Variants in SIPA1L3 observed in about 807,000 individuals in gnomAD.
The protein encoded by SIPA1L3 is signal-induced proliferation-associated 1-like protein 3.
In SIPA1L3, 59 loss-of-function variants were observed where a neutral mutation model predicts 150.1. The observed-to-expected ratio is 0.39, with a 90% CI of 0.32 to 0.49. SIPA1L3 has a LOEUF of 0.49. Among genes scored for constraint, SIPA1L3 ranks in the 20% least tolerant of loss-of-function variants. The probability of loss-of-function intolerance (pLI) is 0.86; values close to 1 mark genes in which losing one functional copy is unlikely to be tolerated. For synonymous variants in SIPA1L3, 1,070 were observed against 1,077.6 expected (o/e 0.99, Z 0.14); for missense variants, 2,211 against 2,489.5 (o/e 0.89, Z 2.38).
intron 1 of SIPA1L3, among the ~76,000 whole-genome samples, chr19:38,015,721 TAAAAAA>T (rs59452393): frequency 2.9e-5 from 3 of 102,170 alleles, no homozygotes; most frequent in South Asian, 3.8e-4. Flanking sequence ...AAGATCCTGT[TAAAAAA>T]AAAAAAAAAA....
Position 38,146,802 on chromosome 19 carries a change from C to T in SIPA1L3, c.3533+4092C>T, listed in dbSNP as rs562805693. On this transcript the variant is annotated intron_variant, in intron 12 of 21. Coordinates refer to ENST00000222345, the MANE Select transcript of SIPA1L3 (RefSeq NM_015073.3). The stretch of plus-strand genomic sequence containing the variant: ...TCACTGTGATTTTAATTTGCATGTT[C>T]CTAATGGCTAAGGATATTGAACACC... Among the ~76,000 whole-genome samples, 3 of 152,250 alleles carry T rather than the reference C, an allele frequency of 2.0e-5. No homozygotes were observed. In the East Asian group the frequency reaches 5.8e-4, roughly 29 times the overall value.
intron 2 of SIPA1L3, among the ~76,000 whole-genome samples, chr19:38,034,062 G>A (rs1968721678): frequency 2.6e-5 from 4 of 151,920 alleles, no homozygotes; most frequent in Admixed American, 6.5e-5. Context: ...GGGCAGAGCC[G>A]CTTTGATTCT....
At chr19:37,945,090 TTATAG>T (rs1472460280) in intron 1 of SIPA1L3, among the ~76,000 whole-genome samples, 1 of 152,202 alleles carries the variant, frequency 6.6e-6, no homozygotes, top group Non-Finnish European at 1.5e-5. Flanking sequence ...AAAGCCTATT[TTATAG>T]TAAAGTGCTG....
At chr19:38,147,597 A>G (rs1292308262) in intron 12 of SIPA1L3, among the ~76,000 whole-genome samples, 4 of 151,944 alleles carry the variant, frequency 2.6e-5, no homozygotes, top group African/African-American at 7.3e-5. Flanking sequence ...TTTATTGCCT[A>G]TGGTTGTCTG....
intron 1 of SIPA1L3, among the ~76,000 whole-genome samples, chr19:37,939,026 C>T (rs1008742078): frequency 3.9e-5 from 6 of 152,108 alleles, no homozygotes; most frequent in Non-Finnish European, 7.4e-5. Flanking sequence ...TTATGATCCT[C>T]GGGTCATCCT....
intron 8 of SIPA1L3, among the ~76,000 whole-genome samples, chr19:38,112,611 T>C (rs1970789992): frequency 6.6e-6 from 1 of 152,222 alleles, no homozygotes; most frequent in Admixed American, 6.5e-5. Flanking sequence ...AGAAAATCAT[T>C]TAACAGAGAC....
intron 12 of SIPA1L3, among the ~76,000 whole-genome samples, chr19:38,146,514 A>T (rs1363874578): frequency 6.6e-6 from 1 of 152,222 alleles, no homozygotes; most frequent in East Asian, 1.9e-4. Context: ...TCATGCGGTG[A>T]ACATGTACAT....
chr19:37,967,436 T>C (rs1356616540), intron 1 of SIPA1L3, among the ~76,000 whole-genome samples: 2 of 152,032 alleles, frequency 1.3e-5, no homozygotes, highest in Non-Finnish European at 2.9e-5. Flanking sequence ...GTATTTTTAG[T>C]AGAGACGGAG....
At chr19:37,952,529 C>T (rs775921495) in intron 1 of SIPA1L3, among the ~76,000 whole-genome samples, 2 of 152,012 alleles carry the variant, frequency 1.3e-5, no homozygotes, top group African/African-American at 4.8e-5. Flanking sequence ...AAAAACTAGC[C>T]AGGTGTGGTG....
chr19:38,037,901 A>G (rs577761267), intron 2 of SIPA1L3, among the ~76,000 whole-genome samples: 1 of 152,216 alleles, frequency 6.6e-6, no homozygotes, highest in African/African-American at 2.4e-5. Flanking sequence ...GCAGCTCAAC[A>G]ATAGCCTGGG....
intron 6 of SIPA1L3, among the ~76,000 whole-genome samples, chr19:38,102,049 C>CTTTT (rs552210592): frequency 7.3e-6 from 1 of 137,158 alleles, no homozygotes; most frequent in African/African-American, 2.6e-5. Flanking sequence ...CTTTTCTTTT[C>CTTTT]TTTTTTTTTT....
intron 7 of SIPA1L3, chr19:38,109,999 G>A (rs1188844564): frequency 3.8e-6 from 2 of 525,788 alleles, no homozygotes; most frequent in African/African-American, 1.9e-5. Context: ...GAACAGCGGT[G>A]CAGAGGCTTC....
At chr19:37,933,547 C>G (rs1004676193) in intron 1 of SIPA1L3, among the ~76,000 whole-genome samples, 8 of 152,166 alleles carry the variant, frequency 5.3e-5, no homozygotes, top group Non-Finnish European at 1.0e-4. Context: ...GTGGTAGATG[C>G]GGGCTAAATT....
At chr19:38,140,346 G>A (rs1448491748) in intron 10 of SIPA1L3, among the ~76,000 whole-genome samples, 1 of 152,058 alleles carries the variant, frequency 6.6e-6, no homozygotes. Context: ...GCCTGGTCTA[G>A]GGGGAGTCAC....
intron 12 of SIPA1L3, among the ~76,000 whole-genome samples, chr19:38,151,467 C>A (rs1389665781): frequency 6.6e-6 from 1 of 152,156 alleles, no homozygotes; most frequent in Non-Finnish European, 1.5e-5. Context: ...GTCCTGCCAC[C>A]TGCTTGGAAG....
At chr19:38,048,547 A>T (rs913509416) in intron 2 of SIPA1L3, among the ~76,000 whole-genome samples, 20 of 152,264 alleles carry the variant, frequency 1.3e-4, no homozygotes, top group South Asian at 4.1e-4. Flanking sequence ...CCACATCCTG[A>T]TCACTCTTGA....
At chr19:38,096,547 C>T (rs1420924799) in intron 4 of SIPA1L3, among the ~76,000 whole-genome samples, 1 of 152,080 alleles carries the variant, frequency 6.6e-6, no homozygotes, top group Non-Finnish European at 1.5e-5. Flanking sequence ...CCGCACCTGG[C>T]CTCCTCCTTA....
At chr19:38,017,969 C>G (rs1384175732) in intron 1 of SIPA1L3, among the ~76,000 whole-genome samples, 1 of 152,114 alleles carries the variant, frequency 6.6e-6, no homozygotes, top group African/African-American at 2.4e-5. Context: ...CACAGCGCCT[C>G]GAGCACCAGC....
At chr19:38,020,991 G>T (rs1473151184) in intron 1 of SIPA1L3, among the ~76,000 whole-genome samples, 4 of 152,162 alleles carry the variant, frequency 2.6e-5, no homozygotes, top group Admixed American at 2.6e-4. Context: ...AGTAGAGACA[G>T]GGTTTCGCCA....
Sources: gnomAD v4.1 joint callset for allele counts (sites outside exome capture counted in the v4.1 genomes callset) on GRCh38, gnomAD v4.1.1 for gene constraint, MANE v1.5 for transcripts, NCBI Gene and HGNC (gene_info 2026-07-23, HGNC 2026-07-21) for gene names.